GHR: variants seen among roughly 807,000 people sequenced by gnomAD.
The protein encoded by GHR is GH receptor.
A neutral mutation model predicts 67.1 loss-of-function variants in GHR; 35 were observed. That is an observed-to-expected ratio of 0.52 (90% confidence interval 0.40 to 0.69). GHR has a LOEUF of 0.69. GHR is among the 30% of genes least tolerant of loss of function. The pLI is 0.00. For synonymous variants in GHR, 272 were observed against 269.1 expected, an observed-to-expected ratio of 1.01 and a Z score of -0.10; for missense variants, 792 against 764.6, an observed-to-expected ratio of 1.04 and a Z score of -0.42.
intron 2 of GHR, among the ~76,000 whole-genome samples, chr5:42,581,048 G>A (rs1318573179): frequency 6.6e-6 from 1 of 152,168 alleles, no homozygotes; most frequent in East Asian, 1.9e-4. Flanking sequence ...TCTCTTGATT[G>A]CCATTACAAA....
chr5:42,476,345 G>A (rs1437192275), intron 1 of GHR, among the ~76,000 whole-genome samples: 1 of 151,598 alleles, frequency 6.6e-6, no homozygotes, highest in Non-Finnish European at 1.5e-5. Context: ...TCAGCCTCCC[G>A]AGTAGCTGGG....
intron 1 of GHR, among the ~76,000 whole-genome samples, chr5:42,452,160 G>A (rs993256642): frequency 6.6e-6 from 1 of 152,138 alleles, no homozygotes; most frequent in Admixed American, 6.5e-5. Context: ...CATATCTGAA[G>A]CTTAGTTTTG....
chr5:42,470,633 T>G (rs1056359821), intron 1 of GHR, among the ~76,000 whole-genome samples: 1 of 152,186 alleles, frequency 6.6e-6, no homozygotes. Context: ...CTTCCAATAG[T>G]AAATTTTCCA....
intron 1 of GHR, among the ~76,000 whole-genome samples, chr5:42,481,007 T>A (rs943808458): frequency 6.6e-6 from 1 of 152,120 alleles, no homozygotes; most frequent in African/African-American, 2.4e-5. Context: ...ATTTGGCATG[T>A]TTTTGCAGTG....
At chr5:42,445,500 C>G (rs182434245) in intron 1 of GHR, among the ~76,000 whole-genome samples, 162 of 152,298 alleles carry the variant, frequency 1.1e-3, no homozygotes, top group African/African-American at 3.7e-3. Context: ...TGAGTATGTT[C>G]TGCCTGGAAA....
intron 3 of GHR, among the ~76,000 whole-genome samples, chr5:42,638,289 T>C (rs1318464988): frequency 6.6e-6 from 1 of 152,166 alleles, no homozygotes; most frequent in East Asian, 1.9e-4. Context: ...TCTCCTGTTA[T>C]CTTCAATTTC....
At chr5:42,520,363 A>G (rs1306116785) in intron 1 of GHR, among the ~76,000 whole-genome samples, 2 of 152,124 alleles carry the variant, frequency 1.3e-5, no homozygotes, top group Non-Finnish European at 2.9e-5. Flanking sequence ...AATCCCCTGA[A>G]CAATCAGGAA....
chr5:42,670,403 G>T (rs1022920698), intron 3 of GHR, among the ~76,000 whole-genome samples: 1 of 152,090 alleles, frequency 6.6e-6, no homozygotes, highest in Non-Finnish European at 1.5e-5. Context: ...CATAAGCCCT[G>T]AAACTATAAA....
intron 1 of GHR, among the ~76,000 whole-genome samples, chr5:42,451,723 A>T (rs1744060744): frequency 6.9e-6 from 1 of 144,514 alleles, no homozygotes; most frequent in African/African-American, 2.6e-5. Context: ...AAAAAAACCT[A>T]CTCCTGCTCA....
chr5:42,704,364 T>G (rs1489632735), intron 6 of GHR, among the ~76,000 whole-genome samples: 1 of 152,120 alleles, frequency 6.6e-6, no homozygotes, highest in Non-Finnish European at 1.5e-5. Context: ...GTTTATGTAT[T>G]TGTGTGTGAT....
At chr5:42,661,807 G>A (rs1338998517) in intron 3 of GHR, among the ~76,000 whole-genome samples, 1 of 152,118 alleles carries the variant, frequency 6.6e-6, no homozygotes, top group East Asian at 1.9e-4. Flanking sequence ...GACACAGACT[G>A]GCAAATTGGA....
At chr5:42,625,254 T>A (rs1753642170) in intron 2 of GHR, among the ~76,000 whole-genome samples, 2 of 152,134 alleles carry the variant, frequency 1.3e-5, no homozygotes, top group East Asian at 3.9e-4. Context: ...CTCTTTCTTG[T>A]TTTATATCAG....
chr5:42,443,118 G>C (rs1579706637), intron 1 of GHR, among the ~76,000 whole-genome samples: 1 of 152,268 alleles, frequency 6.6e-6, no homozygotes, highest in Non-Finnish European at 1.5e-5. Context: ...TTTGAATGTG[G>C]GGCTTGAGTT....
At chr5:42,595,394 A>G (rs929876943) in intron 2 of GHR, among the ~76,000 whole-genome samples, 2 of 152,238 alleles carry the variant, frequency 1.3e-5, no homozygotes, top group Non-Finnish European at 2.9e-5. Context: ...TATAAATCTT[A>G]TAACTGTGCT....
chr5:42,631,487 A>C (rs1157721511), intron 3 of GHR, among the ~76,000 whole-genome samples: 1 of 152,194 alleles, frequency 6.6e-6, no homozygotes, highest in Non-Finnish European at 1.5e-5. Flanking sequence ...GACAGACTCA[A>C]GTGCTCACAT....
chr5:42,603,071 ATTAT>A (rs1752458188), intron 2 of GHR, among the ~76,000 whole-genome samples: 1 of 152,056 alleles, frequency 6.6e-6, no homozygotes, highest in South Asian at 2.1e-4. Context: ...TGTCTGAGAA[ATTAT>A]TTATCTTGCC....
At chr5:42,665,612 G>T (rs1346391823) in intron 3 of GHR, among the ~76,000 whole-genome samples, 1 of 151,876 alleles carries the variant, frequency 6.6e-6, no homozygotes, top group African/African-American at 2.4e-5. Flanking sequence ...TGGAGGAGGG[G>T]GAAGGGATAG....
intron 4 of GHR, among the ~76,000 whole-genome samples, chr5:42,691,148 TACCAA>T (rs1757403813): frequency 6.6e-6 from 1 of 152,136 alleles, no homozygotes; most frequent in South Asian, 2.1e-4. Flanking sequence ...GGATCTACAC[TACCAA>T]GGATGCTGCT....
rs140836153 is a variant in GHR at position 42,525,923 on chromosome 5, G to A, written c.-11-39941G>A. Among the ~76,000 whole-genome samples the A allele has an allele frequency of 5.0e-3, 764 of 152,320 alleles. 2 individuals carry two copies. The highest frequency in any genetic ancestry group is 7.7e-3 in the Admixed American group (118 of 15,306). ...GGCTCCCATACATGTGGAACTGTAA[G>A]TCCAATTAAACCTCTTTTTGTTTCC... On this transcript the variant is annotated intron_variant, in intron 1 of 9. Transcript: ENST00000230882.
Sources: allele counts gnomAD v4.1 joint callset (sites outside exome capture counted in the v4.1 genomes callset), GRCh38; gene constraint gnomAD v4.1.1; transcripts MANE v1.5; gene names NCBI Gene and HGNC (gene_info 2026-07-23, HGNC 2026-07-21).